TEX9: variants seen among roughly 807,000 people sequenced by gnomAD.
The protein encoded by TEX9 is testis-expressed protein 9.
In TEX9, 74 loss-of-function variants were observed where a neutral mutation model predicts 59.6. The ratio of observed to expected loss-of-function variants is 1.24; its 90% CI spans 1.03 to 1.51. The LOEUF is 1.51. TEX9 is among the 40% of genes most tolerant of loss of function. The probability of loss-of-function intolerance (pLI) is 0.00; values close to 1 mark genes in which losing one functional copy is unlikely to be tolerated. For missense variants in TEX9, 522 were observed against 447.8 expected, an observed-to-expected ratio of 1.17 and a Z score of -1.49; for synonymous variants, 186 against 152.2, an observed-to-expected ratio of 1.22 and a Z score of -1.64.
the TEX9 span, among the ~76,000 whole-genome samples, chr15:56,458,813 T>A: frequency 6.6e-6 from 1 of 152,196 alleles, no homozygotes; most frequent in Non-Finnish European, 1.5e-5. Flanking sequence ...TGAATAATAT[T>A]CCATTGTCTG....
intron 10 of TEX9, among the ~76,000 whole-genome samples, chr15:56,413,306 T>A (rs1308714362): frequency 1.6e-4 from 13 of 81,908 alleles, no homozygotes; most frequent in Non-Finnish European, 2.7e-4. Flanking sequence ...TTATTTAATT[T>A]AATAATTTAT....
chr15:56,339,397 A>AAAAAAAAC (rs2046325416), intron 1 of TEX9, among the ~76,000 whole-genome samples: 3 of 61,024 alleles, frequency 4.9e-5, no homozygotes, highest in Non-Finnish European at 9.5e-5. Context: ...AAAAAAAAAA[A>AAAAAAAAC]AAAAAAAAAA....
At chr15:56,434,593 TC>T (rs1364373564) in intron 12 of TEX9, among the ~76,000 whole-genome samples, 2 of 152,142 alleles carry the variant, frequency 1.3e-5, no homozygotes, top group Non-Finnish European at 2.9e-5. Context: ...TGGATTGTTT[TC>T]TGTTACTCAT....
chr15:56,319,635 A>G (rs2141686163), intron 1 of TEX9, among the ~76,000 whole-genome samples: 1 of 152,260 alleles, frequency 6.6e-6, no homozygotes, highest in African/African-American at 2.4e-5. Context: ...CTCAAAATCC[A>G]ACTTGTCTGG....
intron 1 of TEX9, among the ~76,000 whole-genome samples, chr15:56,276,276 A>G (rs1190690804): frequency 6.6e-6 from 1 of 151,876 alleles, no homozygotes; most frequent in African/African-American, 2.4e-5. Flanking sequence ...CCCATCATCT[A>G]GGTTTTAAAC....
In TEX9 at chr15:56,294,965, A is replaced by C. The variant is rs116255946; in HGVS notation, c.-107+50687A>C. On this transcript the variant is annotated intron_variant, in intron 1 of 5. Transcript: ENST00000560827. ...CCTAAACTTAAAAGGACCAGTTAAC[A>C]TGAGAACATCACAGTAGTGAAGGCT... 7.9e-3 allele frequency among the ~76,000 whole-genome samples: 1,198 copies of C among 152,318 alleles called. 15 individuals are homozygous for C. Among genetic ancestry groups the C allele is most frequent in the African/African-American group, 0.028 (1,163 of 41,570 alleles).
chr15:56,316,046 C>A lies in TEX9; in HGVS notation c.-106-57395C>A, dbSNP rs373302049. Among the ~76,000 whole-genome samples the A allele has an allele frequency of 6.1e-3, 879 of 143,568 alleles. 7 individuals are homozygous for A. The highest frequency in any genetic ancestry group is 0.038 in the East Asian group (192 of 5,092). The allele number at this position is 143,568 out of a possible 152,430, so 94.2% of individuals were successfully genotyped here. On this transcript the variant is annotated intron_variant, in intron 1 of 5. Coordinates refer to the TEX9 transcript ENST00000560827. ...TCTGTATTGGTTATTCTAGTTATAC[C>A]TTCTTCTAAATTTTTTTCAAAGTTT...
intron 1 of TEX9, among the ~76,000 whole-genome samples, chr15:56,291,353 C>A (rs78545621): frequency 0.044 from 6,682 of 152,224 alleles, 223 homozygotes; most frequent in Admixed American, 0.086. Flanking sequence ...TTTACACTAC[C>A]TTGTGGAGAC....
chr15:56,247,274 A>T (rs532601508), intron 1 of TEX9, among the ~76,000 whole-genome samples: 1 of 152,222 alleles, frequency 6.6e-6, no homozygotes. Context: ...CCTGGCCCCA[A>T]CTTGAAGTAG....
the TEX9 span, among the ~76,000 whole-genome samples, chr15:56,458,364 T>C: frequency 6.6e-6 from 1 of 152,200 alleles, no homozygotes; most frequent in African/African-American, 2.4e-5. Context: ...ATATTCCCTG[T>C]CCCTACACAT....
intron 1 of TEX9, among the ~76,000 whole-genome samples, chr15:56,273,891 A>G (rs1170629067): frequency 1.3e-5 from 2 of 152,114 alleles, no homozygotes; most frequent in African/African-American, 4.8e-5. Flanking sequence ...AGCACTTTGA[A>G]TATAATGTAT....
intron 1 of TEX9, among the ~76,000 whole-genome samples, chr15:56,259,440 T>C (rs1567064717): frequency 1.3e-5 from 2 of 152,072 alleles, no homozygotes; most frequent in Non-Finnish European, 2.9e-5. Flanking sequence ...TTGTAGATAG[T>C]GTAAATTAAG....
At chr15:56,288,934 C>T (rs1337781289) in intron 1 of TEX9, among the ~76,000 whole-genome samples, 2 of 151,926 alleles carry the variant, frequency 1.3e-5, no homozygotes, top group Admixed American at 1.3e-4. Flanking sequence ...CATTTGTTTC[C>T]CCCTTAGTGC....
intron 1 of TEX9, among the ~76,000 whole-genome samples, chr15:56,311,028 T>C (rs1356557061): frequency 6.6e-6 from 1 of 152,106 alleles, no homozygotes; most frequent in Non-Finnish European, 1.5e-5. Flanking sequence ...TTCAGAATTT[T>C]CTGGAGCTGC....
At chr15:56,360,277 T>G (rs2046766355) in intron 1 of TEX9, among the ~76,000 whole-genome samples, 1 of 152,156 alleles carries the variant, frequency 6.6e-6, no homozygotes, top group Non-Finnish European at 1.5e-5. Context: ...TGCCTTTATT[T>G]TCCCAAAAAA....
At chr15:56,269,620 G>A (rs2044474593) in intron 1 of TEX9, among the ~76,000 whole-genome samples, 1 of 150,262 alleles carries the variant, frequency 6.7e-6, no homozygotes, top group Non-Finnish European at 1.5e-5. Flanking sequence ...TTTCCATGGA[G>A]TTGTGCGGTT....
At chr15:56,308,380 T>A (rs1204882750) in intron 1 of TEX9, among the ~76,000 whole-genome samples, 1 of 152,206 alleles carries the variant, frequency 6.6e-6, no homozygotes, top group African/African-American at 2.4e-5. Context: ...GAAATGTCTA[T>A]TCCAATCCTT....
intron 1 of TEX9, among the ~76,000 whole-genome samples, chr15:56,327,854 A>G (rs549329682): frequency 6.6e-6 from 1 of 152,240 alleles, no homozygotes; most frequent in South Asian, 2.1e-4. Flanking sequence ...AACATGCCTC[A>G]CCACTGAAGC....
intron 1 of TEX9, among the ~76,000 whole-genome samples, chr15:56,276,756 G>A (rs1479641397): frequency 1.3e-5 from 2 of 152,144 alleles, no homozygotes; most frequent in African/African-American, 4.8e-5. Flanking sequence ...TCACCACACT[G>A]TCTTCCACAG....
Sources: gnomAD v4.1 joint callset for allele counts (sites outside exome capture counted in the v4.1 genomes callset) on GRCh38, gnomAD v4.1.1 for gene constraint, MANE v1.5 for transcripts, NCBI Gene and HGNC (gene_info 2026-07-23, HGNC 2026-07-21) for gene names.